PTPRO: variants seen among roughly 807,000 people sequenced by gnomAD.
The protein encoded by PTPRO is receptor-type tyrosine-protein phosphatase O.
Under a neutral mutation model 145.2 loss-of-function variants are expected in PTPRO, and 62 were observed. That is an observed-to-expected ratio of 0.43 (90% CI 0.35 to 0.53). The LOEUF (loss-of-function observed/expected upper bound fraction) is 0.53. PTPRO is among the 20% of genes least tolerant of loss of function. The pLI is 0.01. For missense variants in PTPRO, 1,345 were observed against 1,482.7 expected (o/e 0.91, Z 1.53); for synonymous variants, 565 against 514.7 (o/e 1.10, Z -1.32).
intron 1 of PTPRO, among the ~76,000 whole-genome samples, chr12:15,392,720 C>CAAA (rs1177789187): frequency 8.9e-4 from 59 of 66,188 alleles, no homozygotes; most frequent in Non-Finnish European, 1.1e-3. Context: ...GACCCTGTCT[C>CAAA]AAAAAAAAAA....
chr12:15,454,622 A>G (rs1207479029), intron 1 of PTPRO, among the ~76,000 whole-genome samples: 1 of 152,096 alleles, frequency 6.6e-6, no homozygotes, highest in Admixed American at 6.6e-5. Flanking sequence ...TGTGTTGCCT[A>G]TGTTTTTGGT....
chr12:15,504,000 A>C lies in PTPRO; in HGVS notation c.1198A>C (p.Thr400Pro). Residue 400 changes from threonine (T) to proline (P), a missense_variant, in exon 6 of 27, where the codon ACC becomes CCC. Around this residue, in one of 3 missense-constraint regions of PTPRO, gnomAD observed 1,130 missense variants for 1,214.7 expected, o/e 0.93. Coordinates refer to ENST00000281171, the MANE Select transcript of PTPRO (RefSeq NM_030667.3). Reference protein sequence around the residue: ...EPGKYKLSVTTFSSSGSCETR... With the variant: ...EPGKYKLSVTPFSSSGSCETR... Reference sequence around the variant, plus strand: ...TGGGAAATATAAGTTATCTGTGACAACCTTTAGTTCCTCAGGATCTTGTGA... The same window carrying C: ...TGGGAAATATAAGTTATCTGTGACACCCTTTAGTTCCTCAGGATCTTGTGA... 6.2e-7 allele frequency: 1 copy of C among 1,611,656 alleles called. No homozygotes were observed. The highest frequency in any genetic ancestry group is 8.5e-7 in the Non-Finnish European group (1 of 1,177,926).
intron 2 of PTPRO, among the ~76,000 whole-genome samples, chr12:15,496,141 TG>T (rs372429843): frequency 0.01 from 806 of 78,360 alleles, 23 homozygotes; most frequent in East Asian, 0.03. Context: ...TTTCTTTTTT[TG>T]TTTTTTTTTT....
chr12:15,350,200 G>A (rs1250681802), intron 1 of PTPRO, among the ~76,000 whole-genome samples: 1 of 152,144 alleles, frequency 6.6e-6, no homozygotes, highest in Non-Finnish European at 1.5e-5. Context: ...ACTTTCATCT[G>A]AGACTCCCTG....
At chr12:15,431,467 G>T (rs1484315932) in intron 1 of PTPRO, among the ~76,000 whole-genome samples, 3 of 152,130 alleles carry the variant, frequency 2.0e-5, no homozygotes, top group Admixed American at 2.0e-4. Context: ...CACATAAGGA[G>T]CCCTATTCAA....
At chr12:15,358,239 G>C (rs1374883381) in intron 1 of PTPRO, among the ~76,000 whole-genome samples, 2 of 106,886 alleles carry the variant, frequency 1.9e-5, no homozygotes, top group African/African-American at 7.4e-5. Context: ...GTCATGGGGT[G>C]GGGGGAGGGG....
intron 2 of PTPRO, among the ~76,000 whole-genome samples, chr12:15,496,409 T>C (rs1465502278): frequency 6.6e-6 from 1 of 152,124 alleles, no homozygotes; most frequent in Non-Finnish European, 1.5e-5. Context: ...TCCACAATGC[T>C]GGAATTACAG....
chr12:15,462,632 G>C (rs1941331241), intron 1 of PTPRO, among the ~76,000 whole-genome samples: 1 of 152,120 alleles, frequency 6.6e-6, no homozygotes, highest in Non-Finnish European at 1.5e-5. Context: ...ATAATTGCTT[G>C]AATTGCCTAT....
intron 1 of PTPRO, among the ~76,000 whole-genome samples, chr12:15,361,545 G>A (rs955153795): frequency 1.3e-5 from 2 of 151,920 alleles, no homozygotes; most frequent in East Asian, 3.9e-4. Flanking sequence ...TTGACCAAGG[G>A]TCATTAACAG....
At chr12:15,436,835 G>A (rs188951968) in intron 1 of PTPRO, among the ~76,000 whole-genome samples, 4 of 152,322 alleles carry the variant, frequency 2.6e-5, no homozygotes, top group Non-Finnish European at 5.9e-5. Context: ...TGTCTCAGCA[G>A]TAGTCTCTGG....
rs145192887 is a variant in PTPRO at position 15,394,712 on chromosome 12, A to G, written c.75+71911A>G. On this transcript the variant is annotated intron_variant, in intron 1 of 26. Transcript: ENST00000281171. ...TGGGGATGCAGATTAAGGAGATTTT[A>G]CTTGGCCTTTCCAAATATAATGGCT... Among the ~76,000 whole-genome samples the G allele has an allele frequency of 2.9e-4, 44 of 152,314 alleles. No individual in the cohort carries two copies. In the East Asian group the frequency reaches 8.1e-3, roughly 28 times the overall value.
At chr12:15,375,481 G>C (rs1317531225) in intron 1 of PTPRO, among the ~76,000 whole-genome samples, 7 of 152,170 alleles carry the variant, frequency 4.6e-5, no homozygotes, top group Non-Finnish European at 1.5e-5. Flanking sequence ...AATTAGGTCA[G>C]TTGCTGTGAC....
At chr12:15,516,219 C>G (rs1942581705) in intron 8 of PTPRO, among the ~76,000 whole-genome samples, 1 of 149,198 alleles carries the variant, frequency 6.7e-6, no homozygotes, top group African/African-American at 2.4e-5. Flanking sequence ...CTCGATCTGA[C>G]CTCGTGATCT....
intron 12 of PTPRO, among the ~76,000 whole-genome samples, chr12:15,528,418 G>T (rs536947137): frequency 6.6e-6 from 1 of 151,020 alleles, no homozygotes; most frequent in Non-Finnish European, 1.5e-5. Flanking sequence ...CCAGCTACTC[G>T]GGAGGCTGAG....
chr12:15,565,646 T>A lies in PTPRO; in HGVS notation c.2747+18T>A, dbSNP rs770704400. ...CTGACAAAGTAAGTTTTTCTTACTA[T>A]GTCATTTAAAAGGATGTTTGTTATA... On this transcript the variant is annotated intron_variant, in intron 18 of 26. Transcript: ENST00000281171. The A allele has an allele frequency of 4.3e-6, 6 of 1,405,518 alleles. No homozygotes were observed. The South Asian group carries it at 5.8e-5, about 14-fold the overall frequency. The allele number at this position is 1,405,518 out of a possible 1,614,324, so 87.1% of individuals were successfully genotyped here. A position where few individuals can be genotyped will look rare whatever the true frequency, so the allele number is the denominator to read the frequency against.
At chr12:15,424,192 A>G (rs1466609716) in intron 1 of PTPRO, among the ~76,000 whole-genome samples, 3 of 152,212 alleles carry the variant, frequency 2.0e-5, no homozygotes, top group African/African-American at 7.2e-5. Context: ...TTATTTACAT[A>G]GAGTGTATTC....
At chr12:15,561,968 A>G (rs1943784977) in intron 17 of PTPRO, among the ~76,000 whole-genome samples, 2 of 152,242 alleles carry the variant, frequency 1.3e-5, no homozygotes, top group Non-Finnish European at 2.9e-5. Flanking sequence ...AAGGTCTGCT[A>G]TTTCTAATAC....
intron 1 of PTPRO, among the ~76,000 whole-genome samples, chr12:15,449,793 A>T (rs1940999792): frequency 6.6e-6 from 1 of 152,166 alleles, no homozygotes; most frequent in African/African-American, 2.4e-5. Flanking sequence ...GGGCAAATTG[A>T]GTAAAGAATG....
At chr12:15,443,600 G>A (rs1940827555) in intron 1 of PTPRO, among the ~76,000 whole-genome samples, 1 of 152,032 alleles carries the variant, frequency 6.6e-6, no homozygotes, top group Non-Finnish European at 1.5e-5. Flanking sequence ...AACTGCACCT[G>A]ACAAAGGTCT....
Sources: gnomAD v4.1 joint callset for allele counts (sites outside exome capture counted in the v4.1 genomes callset) on GRCh38, gnomAD v4.1.1 for gene constraint, gnomAD v4.1.1 regional missense constraint, MANE v1.5 for transcripts, NCBI Gene and HGNC (gene_info 2026-07-23, HGNC 2026-07-21) for gene names.